Variants in PIK3CD observed in about 807,000 individuals in gnomAD.
The protein encoded by PIK3CD is phosphatidylinositol-4,5-bisphosphate 3-kinase catalytic subunit delta.
PIK3CD carries 20 observed loss-of-function variants against 122.9 expected under a neutral mutation model. The ratio of observed to expected loss-of-function variants is 0.16; its 90% CI spans 0.11 to 0.24. The LOEUF is 0.24. PIK3CD is among the 10% of genes least tolerant of loss of function. PIK3CD has a pLI of 1.00. For synonymous variants in PIK3CD, 596 were observed against 593.4 expected (o/e 1.00, Z -0.06); for missense variants, 787 against 1,406.3 (o/e 0.56, Z 7.04).
chr1:9,660,754 T>C (rs1200165939), intron 1 of PIK3CD: 1 of 152,144 alleles, frequency 6.6e-6, no homozygotes, highest in Non-Finnish European at 1.5e-5. Context: ...AGCCTTTCAG[T>C]CGCCAGTTCT....
At position 9,723,356 on chromosome 1, in the gene PIK3CD, C is replaced by A; in HGVS notation, c.2594+64C>A. 2 of 1,547,896 alleles carry A rather than the reference C, an allele frequency of 1.3e-6. No individual in the cohort carries two copies. The highest frequency in any genetic ancestry group is 1.1e-5 in the South Asian group (1 of 89,688). On this transcript the variant is annotated intron_variant, in intron 20 of 23. Coordinates refer to ENST00000377346, the MANE Select transcript of PIK3CD (RefSeq NM_005026.5). This position sits in a 1 kb window ranked among gnomAD's most constrained non-coding sequence, Gnocchi z 4.9. Reference sequence around the variant, plus strand: ...CAAGAGGTGTGGAGTGGGAGGGCCTCGCCTGTCAGAACAAAGGAGCGGGGA... The same window carrying A: ...CAAGAGGTGTGGAGTGGGAGGGCCTAGCCTGTCAGAACAAAGGAGCGGGGA...
chr1:9,647,932 T>C (rs1570018904), upstream of PIK3CD, among the ~76,000 whole-genome samples: 1 of 152,216 alleles, frequency 6.6e-6, no homozygotes, highest in South Asian at 2.1e-4. Flanking sequence ...TTTGAATCAG[T>C]TGGCCACCTA....
Position 9,652,016 on chromosome 1 carries a change from G to C in PIK3CD, c.-138+214G>C, listed in dbSNP as rs562244046. On this transcript the variant is annotated intron_variant, in intron 1 of 23. Transcript: ENST00000377346. This position sits in a 1 kb window ranked among gnomAD's most constrained non-coding sequence, Gnocchi z 6.2. ...GCCGGGCTGCTGGGACCTGGGCGGG[G>C]GCTGCCCTAGAGGCCCGGGGCCGTC... Among the ~76,000 whole-genome samples the C allele has an allele frequency of 1.5e-3, 227 of 151,900 alleles. 1 individual carries two copies. Among genetic ancestry groups the C allele is most frequent in the Non-Finnish European group, 2.5e-3 (168 of 67,896 alleles).
the PIK3CD span, among the ~76,000 whole-genome samples, chr1:9,642,612 G>A: frequency 6.6e-6 from 1 of 150,882 alleles, no homozygotes; most frequent in Non-Finnish European, 1.5e-5. Flanking sequence ...AGCTACTCAG[G>A]AGGCTGAGGC....
At chr1:9,679,899 A>T (rs540370719) in intron 1 of PIK3CD, among the ~76,000 whole-genome samples, 9 of 152,200 alleles carry the variant, frequency 5.9e-5, no homozygotes, top group African/African-American at 2.2e-4. Flanking sequence ...ATCTCGGCTC[A>T]TTGCAACCTC....
chr1:9,647,903 G>A (rs765625941), upstream of PIK3CD, among the ~76,000 whole-genome samples: 4 of 152,166 alleles, frequency 2.6e-5, no homozygotes, highest in Non-Finnish European at 5.9e-5. Flanking sequence ...GAGCTTAATT[G>A]GTTACAGTGT....
intron 1 of PIK3CD, among the ~76,000 whole-genome samples, chr1:9,677,860 A>G (rs1645597139): frequency 6.6e-6 from 1 of 151,884 alleles, no homozygotes; most frequent in Non-Finnish European, 1.5e-5. Flanking sequence ...TAAGAAAAAA[A>G]AGAATCTGGG....
intron 1 of PIK3CD, among the ~76,000 whole-genome samples, chr1:9,664,016 G>A (rs546045747): frequency 6.7e-4 from 98 of 145,784 alleles, no homozygotes; most frequent in African/African-American, 1.6e-3. Context: ...TGCACCCCTC[G>A]TTTTCTTTCT....
the PIK3CD span, among the ~76,000 whole-genome samples, chr1:9,642,639 C>T: frequency 6.6e-6 from 1 of 150,400 alleles, no homozygotes; most frequent in South Asian, 2.1e-4. Context: ...ATGGTGTGAA[C>T]CCGGGAGGCG....
intron 1 of PIK3CD, chr1:9,653,800 C>T (rs774830210): frequency 7.3e-7 from 1 of 1,367,016 alleles, no homozygotes; most frequent in African/African-American, 1.5e-5. Context: ...TATTAGGATT[C>T]CAGCCATCTT....
the PIK3CD span, among the ~76,000 whole-genome samples, chr1:9,633,599 G>A: frequency 2.0e-5 from 3 of 152,074 alleles, no homozygotes; most frequent in Non-Finnish European, 4.4e-5. Context: ...GTGAGCCATC[G>A]GGCCCAGCTA....
At chr1:9,663,810 A>T (rs541869334) in intron 1 of PIK3CD, among the ~76,000 whole-genome samples, 1 of 133,738 alleles carries the variant, frequency 7.5e-6, no homozygotes, top group East Asian at 2.2e-4. Flanking sequence ...TTCAATTCCC[A>T]CCTATGAGTG....
upstream of PIK3CD, among the ~76,000 whole-genome samples, chr1:9,651,123 G>A (rs1644664037): frequency 6.6e-6 from 1 of 152,216 alleles, no homozygotes; most frequent in South Asian, 2.1e-4. Context: ...GGGATTGCAG[G>A]AGTGAGCCAC....
intron 1 of PIK3CD, among the ~76,000 whole-genome samples, chr1:9,666,457 T>C (rs1227758408): frequency 6.6e-6 from 1 of 151,830 alleles, no homozygotes; most frequent in South Asian, 2.1e-4. Context: ...GGTCTTGAAC[T>C]CCTGAGCTCA....
At position 9,723,130 on chromosome 1, in the gene PIK3CD, C is replaced by T; in HGVS notation, c.2432C>T (p.Thr811Ile). The stretch of plus-strand genomic sequence containing the variant: ...CCCTCTTCCCCCTTGCCTAGGATGA[C>T]CCCCTATGGCTGCCTCCCCACCGGG... ...WKQEGLDLRM[T>I]PYGCLPTGDR... is the part of the protein sequence containing the mutation. Residue 811 changes from threonine (T) to isoleucine (I), a missense_variant, in exon 20 of 24, where the codon ACC (threonine) becomes ATC (isoleucine). Transcript: ENST00000377346. This position sits in a 1 kb window ranked among gnomAD's most constrained non-coding sequence, Gnocchi z 4.9. 6.2e-7 allele frequency: 1 copy of T among 1,613,554 alleles called. No homozygotes were observed. Among genetic ancestry groups the T allele is most frequent in the Non-Finnish European group, 8.5e-7 (1 of 1,179,988 alleles).
chr1:9,701,124 C>T (rs549486779), intron 2 of PIK3CD, among the ~76,000 whole-genome samples: 2 of 152,264 alleles, frequency 1.3e-5, no homozygotes, highest in Admixed American at 1.3e-4. Context: ...CCGCTCAGCA[C>T]AAGCCCCAGG....
chr1:9,648,717 C>A (rs1437939755), upstream of PIK3CD, among the ~76,000 whole-genome samples: 2 of 152,216 alleles, frequency 1.3e-5, no homozygotes, highest in Non-Finnish European at 2.9e-5. Context: ...GGGACAGGCC[C>A]AACGTTCCTT....
chr1:9,721,629 C>T (rs2100969414), intron 15 of PIK3CD, 42 bp downstream of exon 15: 1 of 1,611,066 alleles, frequency 6.2e-7, no homozygotes, highest in Non-Finnish European at 8.5e-7. Context: ...AATCCCAGCC[C>T]CTGAGTCTCC....
At position 9,718,862 on chromosome 1, in the gene PIK3CD, G is replaced by A. The variant is rs571644641; in HGVS notation, c.1189G>A (p.Val397Met). ...MARLCFALYA[V>M]IEKAKKARST... ...CCGTCTCTGCTTTGCGCTGTACGCC[G>A]TGATCGAGAAAGCCAAGAAGGCTCG... The change falls in exon 9 of 24, where the codon GTG (valine) becomes ATG (methionine). Residue 397 changes from valine (V) to methionine (M), a missense_variant. By Grantham distance (21) the Val-to-Met change is conservative. This residue lies in a region of PIK3CD where 592 missense variants were observed against 920.6 expected (regional missense o/e 0.64). Coordinates refer to ENST00000377346, the MANE Select transcript of PIK3CD (RefSeq NM_005026.5). This position sits in a 1 kb window ranked among gnomAD's most constrained non-coding sequence, Gnocchi z 7.2. 2.1e-5 allele frequency: 34 copies of A among 1,613,012 alleles called. No homozygotes were observed. The highest frequency in any genetic ancestry group is 1.6e-4 in the Middle Eastern group (1 of 6,084).
Sources: gnomAD v4.1 joint callset for allele counts (sites outside exome capture counted in the v4.1 genomes callset) on GRCh38, gnomAD v4.1.1 for gene constraint, gnomAD v4.1.1 regional missense constraint, Gnocchi (gnomAD v3.1) non-coding constraint, MANE v1.5 for transcripts, NCBI Gene and HGNC (gene_info 2026-07-23, HGNC 2026-07-21) for gene names.